FGD4: variants seen among roughly 807,000 people sequenced by gnomAD.
FGD4 encodes FYVE, RhoGEF and PH domain-containing protein 4.
In FGD4, 42 loss-of-function variants were observed where a neutral mutation model predicts 102.0. The observed-to-expected ratio is 0.41, with a 90% CI of 0.32 to 0.53. FGD4 has a LOEUF of 0.53. Ranked by LOEUF, FGD4 falls within the 20% of genes least tolerant of loss-of-function variation. FGD4 has a pLI of 0.21. For synonymous variants in FGD4, 380 were observed against 375.7 expected, an observed-to-expected ratio of 1.01 and a Z score of -0.13; for missense variants, 902 against 1,078.2, an observed-to-expected ratio of 0.84 and a Z score of 2.29.
chr12:32,626,529 T>C (rs1950185648), intron 14 of FGD4, among the ~76,000 whole-genome samples: 1 of 151,486 alleles, frequency 6.6e-6, no homozygotes, highest in Non-Finnish European at 1.5e-5. Flanking sequence ...TGAAAGTCTA[T>C]ATGCAAAGAC....
At chr12:32,416,787 A>G (rs964396825) in intron 1 of FGD4, among the ~76,000 whole-genome samples, 5 of 152,078 alleles carry the variant, frequency 3.3e-5, no homozygotes, top group Non-Finnish European at 1.5e-5. Context: ...AGAGTATTTC[A>G]CACACCAAAA....
chr12:32,412,435 G>T (rs1219690069), intron 1 of FGD4, among the ~76,000 whole-genome samples: 2 of 152,120 alleles, frequency 1.3e-5, no homozygotes, highest in Non-Finnish European at 2.9e-5. Context: ...ATCTCAGGAG[G>T]CTGTGTTTTG....
At chr12:32,599,089 A>G (rs1948136989) in intron 5 of FGD4, among the ~76,000 whole-genome samples, 1 of 152,234 alleles carries the variant, frequency 6.6e-6, no homozygotes, top group Non-Finnish European at 1.5e-5. Context: ...AAAGTTGCCC[A>G]GCTGATATTT....
At chr12:32,576,730 A>G (rs116835055) in intron 3 of FGD4, among the ~76,000 whole-genome samples, 263 of 152,158 alleles carry the variant, frequency 1.7e-3, no homozygotes, top group African/African-American at 6.1e-3. Flanking sequence ...TTTCCTCTGT[A>G]TCTCTGTGTG....
intron 1 of FGD4, among the ~76,000 whole-genome samples, chr12:32,511,666 G>A (rs939223795): frequency 6.6e-6 from 1 of 152,084 alleles, no homozygotes; most frequent in African/African-American, 2.4e-5. Flanking sequence ...TACATTAACA[G>A]CTGTGCTATA....
rs1949693291 is a variant in FGD4 at position 32,619,843 on chromosome 12, AAG to A, written c.1901_1902del (p.Arg634AsnfsTer31). ...CCACATACTTTCCAGGTGTCTGGGAAAGAGAGAACACTGGAACTGCAGGCCAG... is the reference window on the plus strand; with the variant it reads ...CCACATACTTTCCAGGTGTCTGGGAAAGAGAACACTGGAACTGCAGGCCAG... On this transcript the variant is annotated frameshift_variant, in exon 11 of 17. Transcript: ENST00000534526. LOFTEE classifies it high-confidence loss of function. 1 of 1,614,066 alleles carries A rather than the reference AAG, an allele frequency of 6.2e-7. No homozygotes were observed. The highest frequency in any genetic ancestry group is 8.5e-7 in the Non-Finnish European group (1 of 1,179,942).
intron 16 of FGD4, among the ~76,000 whole-genome samples, chr12:32,639,415 C>T (rs1247675526): frequency 2.0e-5 from 3 of 152,316 alleles, no homozygotes; most frequent in Non-Finnish European, 2.9e-5. Context: ...CCGCCCACCT[C>T]GGCCTCCCAA....
chr12:32,590,525 T>G, intron 4 of FGD4, among the ~76,000 whole-genome samples: 1 of 152,152 alleles, frequency 6.6e-6, no homozygotes, highest in East Asian at 1.9e-4. Context: ...CTGGTTTTCT[T>G]GTTCCCCAAA....
chr12:32,555,166 A>T lies in FGD4; in HGVS notation c.167-8971A>T, dbSNP rs769646538. Among the ~76,000 whole-genome samples the T allele has an allele frequency of 3.4e-4, 51 of 152,176 alleles. 1 individual carries two copies. The highest frequency in any genetic ancestry group is 6.8e-4 in the Non-Finnish European group (46 of 68,040). On this transcript the variant is annotated intron_variant, in intron 1 of 16. Coordinates refer to ENST00000534526, the MANE Select transcript of FGD4 (RefSeq NM_001370298.3). ...GATAGTGCTAGATGGTAAAATCTGG[A>T]AATATTTTGAAAGTAGAGCCACCAG...
chr12:32,463,393 G>A (rs556281897), intron 1 of FGD4, among the ~76,000 whole-genome samples: 1 of 152,260 alleles, frequency 6.6e-6, no homozygotes, highest in Admixed American at 6.5e-5. Flanking sequence ...CTTTGTTGTG[G>A]ATTAAAATAC....
intron 1 of FGD4, among the ~76,000 whole-genome samples, chr12:32,436,343 C>T (rs1942227656): frequency 6.6e-6 from 1 of 152,200 alleles, no homozygotes; most frequent in African/African-American, 2.4e-5. Context: ...TGTATCTTTT[C>T]CTAAGGATAA....
chr12:32,414,224 G>C (rs898089390), intron 1 of FGD4, among the ~76,000 whole-genome samples: 1 of 151,770 alleles, frequency 6.6e-6, no homozygotes. Flanking sequence ...CACCTGCCTC[G>C]ACCTCCCAAA....
chr12:32,467,375 A>G (rs1943286937), intron 1 of FGD4, among the ~76,000 whole-genome samples: 1 of 152,174 alleles, frequency 6.6e-6, no homozygotes, highest in Non-Finnish European at 1.5e-5. Flanking sequence ...CTACTACCCA[A>G]CCATTGGACA....
At chr12:32,546,310 C>T (rs942003601) in intron 1 of FGD4, among the ~76,000 whole-genome samples, 7 of 152,166 alleles carry the variant, frequency 4.6e-5, no homozygotes, top group Admixed American at 3.3e-4. Flanking sequence ...GCCATTCTCC[C>T]GCCTCAGCCT....
At chr12:32,469,481 A>G (rs932486281) in intron 1 of FGD4, among the ~76,000 whole-genome samples, 5 of 151,730 alleles carry the variant, frequency 3.3e-5, no homozygotes, top group Admixed American at 3.3e-4. Context: ...GGATTTCACC[A>G]TGTTAGCCAG....
chr12:32,606,602 T>C lies in FGD4; in HGVS notation c.1405-1355T>C, dbSNP rs111705484. Among the ~76,000 whole-genome samples the C allele has an allele frequency of 2.3e-3, 350 of 152,228 alleles. 2 individuals carry two copies. Among genetic ancestry groups the C allele is most frequent in the African/African-American group, 8.0e-3 (333 of 41,532 alleles). ...TGTCTTTTTCTTCAGAGCCTGTACT[T>C]ATCAGAGGTTGCATTAAATGTTCCC... On this transcript the variant is annotated intron_variant, in intron 7 of 16. Coordinates refer to ENST00000534526, the MANE Select transcript of FGD4 (RefSeq NM_001370298.3).
At chr12:32,438,232 A>C (rs1942298769) in intron 1 of FGD4, among the ~76,000 whole-genome samples, 1 of 152,180 alleles carries the variant, frequency 6.6e-6, no homozygotes, top group African/African-American at 2.4e-5. Flanking sequence ...CTTAGAAAAT[A>C]CTGACTTCTC....
chr12:32,420,707 AC>A (rs1419557510), intron 1 of FGD4, among the ~76,000 whole-genome samples: 1 of 151,892 alleles, frequency 6.6e-6, no homozygotes, highest in Non-Finnish European at 1.5e-5. Context: ...GTTGTCAGTC[AC>A]CTCAATTTCT....
intron 1 of FGD4, among the ~76,000 whole-genome samples, chr12:32,430,182 T>A (rs1459389400): frequency 5.3e-5 from 8 of 151,900 alleles, no homozygotes; most frequent in Non-Finnish European, 1.0e-4. Context: ...GTAGCAGGCA[T>A]CTGTAATTCC....
Sources: gnomAD v4.1 joint callset for allele counts (sites outside exome capture counted in the v4.1 genomes callset) on GRCh38, gnomAD v4.1.1 for gene constraint, MANE v1.5 for transcripts, NCBI Gene and HGNC (gene_info 2026-07-23, HGNC 2026-07-21) for gene names.